The following RNF212B variants were observed in gnomAD, a reference collection of about 807,000 sequenced individuals.
The protein encoded by RNF212B is E3 ubiquitin-protein ligase RNF212B.
In RNF212B, 52 loss-of-function variants were observed where a neutral mutation model predicts 55.5. That is an observed-to-expected ratio of 0.94 (90% CI 0.75 to 1.18). The LOEUF (loss-of-function observed/expected upper bound fraction) is 1.18. RNF212B is among the 50% of genes most tolerant of loss of function. The pLI, the probability that RNF212B is intolerant of heterozygous loss-of-function variation, is 0.00. For missense variants in RNF212B, 289 were observed against 350.4 expected (o/e 0.82, Z 1.40); for synonymous variants, 99 against 121.4 (o/e 0.82, Z 1.21).
intron 4 of RNF212B, among the ~76,000 whole-genome samples, chr14:23,257,394 T>C (rs892533812): frequency 2.0e-5 from 3 of 152,166 alleles, no homozygotes; most frequent in Non-Finnish European, 4.4e-5. Flanking sequence ...TTTAAAAAAA[T>C]AGACTAGAGT....
In RNF212B at chr14:23,258,589, C is replaced by T. The variant is rs763131868; in HGVS notation, c.269C>T (p.Ala90Val). The T allele has an allele frequency of 3.9e-6, 6 of 1,545,912 alleles. No homozygotes were observed. In the Admixed American group the frequency reaches 7.9e-5, roughly 20 times the overall value. The change falls in exon 5 of 15, where the codon GCC (alanine) becomes GTC (valine). Residue 90 changes from alanine (A) to valine (V), a missense_variant. Coordinates refer to ENST00000430154, the MANE Select transcript of RNF212B (RefSeq NM_001282322.3). ...FQKKQTDLLI[A>V]FYKHRITKLE... Reference sequence around the variant, plus strand: ...AAGAAACAAACAGATCTCCTCATCGCCTTTTATAAGCATAGAATTACAAAG... The same window carrying T: ...AAGAAACAAACAGATCTCCTCATCGTCTTTTATAAGCATAGAATTACAAAG...
chr14:23,239,601 G>A (rs1264065035), intron 1 of RNF212B, among the ~76,000 whole-genome samples: 2 of 151,892 alleles, frequency 1.3e-5, no homozygotes, highest in Non-Finnish European at 2.9e-5. Context: ...TTTTAGGATT[G>A]TATTTTCTTT....
intron 2 of RNF212B, among the ~76,000 whole-genome samples, chr14:23,212,774 G>A (rs925613695): frequency 2.0e-5 from 3 of 151,750 alleles, no homozygotes; most frequent in Admixed American, 2.0e-4. Context: ...CCAAAGTGCT[G>A]GGATTACAGG....
At chr14:23,214,306 C>G (rs1044563767) in intron 2 of RNF212B, among the ~76,000 whole-genome samples, 1 of 151,918 alleles carries the variant, frequency 6.6e-6, no homozygotes, top group African/African-American at 2.4e-5. Flanking sequence ...CCAGCCTGGC[C>G]AACATAGTGA....
intron 2 of RNF212B, among the ~76,000 whole-genome samples, chr14:23,222,584 A>G (rs936814795): frequency 6.6e-6 from 1 of 152,178 alleles, no homozygotes; most frequent in Non-Finnish European, 1.5e-5. Flanking sequence ...TCCTATTCAA[A>G]CTGTTCTGAA....
At chr14:23,196,077 C>T (rs1348425418) in intron 2 of RNF212B, among the ~76,000 whole-genome samples, 2 of 152,214 alleles carry the variant, frequency 1.3e-5, no homozygotes, top group African/African-American at 4.8e-5. Context: ...CACTTGGTCA[C>T]ATCCTCAATT....
In RNF212B at chr14:23,272,941, C is replaced by A; in HGVS notation, c.*50C>A. The A allele has an allele frequency of 1.8e-6, 2 of 1,116,874 alleles. No homozygotes were observed. Among genetic ancestry groups the A allele is most frequent in the Non-Finnish European group, 2.6e-6 (2 of 780,994 alleles). 69.2% of individuals were successfully genotyped at this position (1,116,874 alleles called of 1,614,324 possible). On this transcript the variant is annotated 3_prime_UTR_variant, in exon 15 of 15. Coordinates refer to ENST00000430154, the MANE Select transcript of RNF212B (RefSeq NM_001282322.3). ...CATGCTGCTGAAGGATGGACTGTAG[C>A]TTCCAGTACGCATTAGGGGTGATGG...
At chr14:23,233,626 C>T (rs1190897831), upstream of RNF212B, among the ~76,000 whole-genome samples, 1 of 146,794 alleles carries the variant, frequency 6.8e-6, no homozygotes, top group Non-Finnish European at 1.5e-5. Flanking sequence ...CTTGTAGTCC[C>T]AGCCACTCGG....
rs1885956860 is a variant in RNF212B at position 23,269,944 on chromosome 14, C to T, written c.756C>T (p.Leu252=). ...PNGHSGHTRV[L]TPNNFAQRES... is the part of the protein sequence containing the mutation. ...GGCATTCAGGCCACACAAGAGTCCT[C>T]ACCCCCAACAATTTTGGTAAGTTAA... is the stretch of plus-strand genomic sequence containing the variant. The change falls in exon 13 of 15, where the codon CTC becomes CTT. Residue 252 remains leucine, a synonymous_variant. Coordinates refer to ENST00000430154, the MANE Select transcript of RNF212B (RefSeq NM_001282322.3). The T allele has an allele frequency of 7.1e-6, 11 of 1,540,242 alleles. No homozygotes were observed. Among genetic ancestry groups the T allele is most frequent in the Admixed American group, 2.0e-5 (1 of 50,972 alleles).
At chr14:23,207,685 T>A (rs966139122) in intron 2 of RNF212B, among the ~76,000 whole-genome samples, 2 of 152,140 alleles carry the variant, frequency 1.3e-5, no homozygotes, top group Non-Finnish European at 2.9e-5. Flanking sequence ...AAAATGCGAA[T>A]CCTGAAAATT....
At chr14:23,215,221 C>A (rs1880949432) in intron 2 of RNF212B, among the ~76,000 whole-genome samples, 1 of 152,032 alleles carries the variant, frequency 6.6e-6, no homozygotes, top group African/African-American at 2.4e-5. Context: ...GTAAGGTGTG[C>A]CTTGCTTCTC....
chr14:23,194,328 C>A (rs1257902219), intron 2 of RNF212B, among the ~76,000 whole-genome samples: 1 of 152,052 alleles, frequency 6.6e-6, no homozygotes, highest in African/African-American at 2.4e-5. Flanking sequence ...CAATCTTGAA[C>A]TTCTAAGTAC....
At chr14:23,220,548 G>A (rs546761658) in intron 2 of RNF212B, among the ~76,000 whole-genome samples, 10 of 148,276 alleles carry the variant, frequency 6.7e-5, no homozygotes, top group African/African-American at 1.2e-4. Context: ...CAAAACAGCC[G>A]GGCTCGGTGG....
chr14:23,189,897 C>A (rs1008271901), intron 1 of RNF212B, among the ~76,000 whole-genome samples: 14 of 152,190 alleles, frequency 9.2e-5, no homozygotes, highest in African/African-American at 3.1e-4. Context: ...TCTACTTCCT[C>A]ATCTCCATTG....
chr14:23,211,898 T>C (rs1880555815), intron 2 of RNF212B, among the ~76,000 whole-genome samples: 1 of 152,122 alleles, frequency 6.6e-6, no homozygotes, highest in Admixed American at 6.5e-5. Context: ...AATTTTTTTG[T>C]ACTATTTTTA....
chr14:23,251,828 A>C (rs773575117), intron 4 of RNF212B, among the ~76,000 whole-genome samples: 80 of 151,924 alleles, frequency 5.3e-4, no homozygotes, highest in Middle Eastern at 3.2e-3. Context: ...AAAAAAAAGA[A>C]AGAAAGAAAA....
intron 2 of RNF212B, among the ~76,000 whole-genome samples, chr14:23,206,368 C>T (rs1329499710): frequency 1.3e-5 from 2 of 152,186 alleles, no homozygotes; most frequent in East Asian, 1.9e-4. Flanking sequence ...CCACCGTGCC[C>T]GGCCTAGTCT....
intron 2 of RNF212B, among the ~76,000 whole-genome samples, chr14:23,213,046 G>C (rs529433615): frequency 3.7e-4 from 56 of 151,696 alleles, no homozygotes; most frequent in Admixed American, 1.5e-3. Context: ...GGCATGGTGG[G>C]TTATGCCTGT....
chr14:23,219,770 C>G (rs1036148798), intron 2 of RNF212B, among the ~76,000 whole-genome samples: 6 of 152,064 alleles, frequency 3.9e-5, no homozygotes, highest in Admixed American at 6.6e-5. Flanking sequence ...CCACTCCCAG[C>G]CTTTATTAGT....
Sources: gnomAD v4.1 joint callset for allele counts (sites outside exome capture counted in the v4.1 genomes callset) on GRCh38, gnomAD v4.1.1 for gene constraint, MANE v1.5 for transcripts, NCBI Gene and HGNC (gene_info 2026-07-23, HGNC 2026-07-21) for gene names.